The following BCAS4 variants were observed in gnomAD, a reference collection of about 807,000 sequenced individuals.
The protein encoded by BCAS4 is breast carcinoma-amplified sequence 4.
In BCAS4, 9 loss-of-function variants were observed where a neutral mutation model predicts 15.7. The observed-to-expected ratio is 0.57, with a 90% CI of 0.34 to 1.00. BCAS4 has a LOEUF of 1.00. Ranked by LOEUF, BCAS4 falls within the 50% of genes least tolerant of loss-of-function variation. The probability of loss-of-function intolerance (pLI) is 0.02; values close to 1 mark genes in which losing one functional copy is unlikely to be tolerated. For missense variants in BCAS4, 225 were observed against 239.1 expected (o/e 0.94, Z 0.39); for synonymous variants, 101 against 99.5 (o/e 1.02, Z -0.09).
chr20:50,811,781 C>T (rs907621573), intron 1 of BCAS4, among the ~76,000 whole-genome samples: 25 of 152,160 alleles, frequency 1.6e-4, no homozygotes, highest in African/African-American at 6.0e-4. Flanking sequence ...TGCCACCAGG[C>T]CTGGCTAACT....
At chr20:50,837,676 G>A (rs928673563) in intron 3 of BCAS4, among the ~76,000 whole-genome samples, 4 of 152,166 alleles carry the variant, frequency 2.6e-5, no homozygotes, top group African/African-American at 4.8e-5. Flanking sequence ...CCCCGGAGTC[G>A]GAGCTGCCCT....
chr20:50,820,899 G>T (rs528982697), intron 2 of BCAS4, among the ~76,000 whole-genome samples: 4 of 151,826 alleles, frequency 2.6e-5, no homozygotes, highest in Admixed American at 6.6e-5. Flanking sequence ...TGATGTTTCT[G>T]GGGGGGAAAA....
chr20:50,837,622 G>C (rs2088425123), intron 3 of BCAS4, among the ~76,000 whole-genome samples: 1 of 152,236 alleles, frequency 6.6e-6, no homozygotes, highest in African/African-American at 2.4e-5. Flanking sequence ...CTCACCTGCA[G>C]CCACCACATC....
At chr20:50,820,301 G>GT (rs1371633740) in intron 2 of BCAS4, among the ~76,000 whole-genome samples, 4 of 152,214 alleles carry the variant, frequency 2.6e-5, no homozygotes, top group Non-Finnish European at 5.9e-5. Flanking sequence ...TGTTGTCAAG[G>GT]TAAGGTCAAG....
Position 50,858,067 on chromosome 20 carries a change from G to A in BCAS4, c.399+16167G>A, listed in dbSNP as rs181296394. Among the ~76,000 whole-genome samples the A allele has an allele frequency of 1.8e-4, 27 of 152,154 alleles. No individual in the cohort carries two copies. In the East Asian group the frequency reaches 4.1e-3, roughly 23 times the overall value. On this transcript the variant is annotated intron_variant, in intron 4 of 4. Transcript: ENST00000371608. ...CCAAGAACTAGCAACTCCAGCCCCT[G>A]GGCCAGGCTTAACTCTGCTGCCAAA... is the stretch of plus-strand genomic sequence containing the variant.
chr20:50,836,388 C>T (rs2088410676), intron 3 of BCAS4, among the ~76,000 whole-genome samples: 1 of 152,166 alleles, frequency 6.6e-6, no homozygotes, highest in African/African-American at 2.4e-5. Flanking sequence ...CAAGGAAGAC[C>T]CCCATCTCCA....
intron 4 of BCAS4, among the ~76,000 whole-genome samples, chr20:50,844,135 G>A (rs2088515325): frequency 6.6e-6 from 1 of 151,746 alleles, no homozygotes; most frequent in South Asian, 2.1e-4. Context: ...GTAACAGAGT[G>A]AGGCCCTGTC....
At chr20:50,804,598 C>T (rs2087968069) in intron 1 of BCAS4, among the ~76,000 whole-genome samples, 1 of 152,200 alleles carries the variant, frequency 6.6e-6, no homozygotes, top group South Asian at 2.1e-4. Flanking sequence ...ATTACTGTGT[C>T]TGAGGACACA....
chr20:50,824,878 C>A (rs1165534277), intron 2 of BCAS4, among the ~76,000 whole-genome samples: 1 of 152,164 alleles, frequency 6.6e-6, no homozygotes, highest in Admixed American at 6.5e-5. Context: ...AATATCCTGA[C>A]TTTGATATCT....
chr20:50,828,693 C>T (rs1406911096), intron 2 of BCAS4, among the ~76,000 whole-genome samples: 4 of 152,086 alleles, frequency 2.6e-5, no homozygotes, highest in African/African-American at 4.8e-5. Flanking sequence ...GCAGGAGAAT[C>T]GCCTGGACCT....
intron 4 of BCAS4, among the ~76,000 whole-genome samples, chr20:50,865,039 G>A (rs1166980870): frequency 1.3e-5 from 2 of 152,088 alleles, no homozygotes; most frequent in Non-Finnish European, 2.9e-5. Flanking sequence ...GTTGCAGTGA[G>A]CCGAGATCGC....
chr20:50,848,063 AAAAC>A (rs757920304), intron 4 of BCAS4, among the ~76,000 whole-genome samples: 3 of 151,994 alleles, frequency 2.0e-5, no homozygotes, highest in Non-Finnish European at 4.4e-5. Context: ...ACAACAAAAA[AAAAC>A]AGAAAATTCA....
At chr20:50,843,416 G>T (rs983382344) in intron 4 of BCAS4, among the ~76,000 whole-genome samples, 1 of 152,162 alleles carries the variant, frequency 6.6e-6, no homozygotes, top group Non-Finnish European at 1.5e-5. Context: ...TCTGCCCGTG[G>T]GCAGAATTTG....
chr20:50,840,538 G>C lies in BCAS4; in HGVS notation c.265-1228G>C, dbSNP rs540895096. The C allele has an allele frequency of 1.0e-4, 150 of 1,464,844 alleles. No homozygotes were observed. The African/African-American group carries it at 1.7e-3, about 16-fold the overall frequency. 90.7% of individuals were successfully genotyped at this position (1,464,844 alleles called of 1,614,324 possible). Reference sequence around the variant, plus strand: ...ATCCAACCTCTTTGCATCTTACAGAGTTAAACAGCTAAAAGAAGTAAAATA... The same window carrying C: ...ATCCAACCTCTTTGCATCTTACAGACTTAAACAGCTAAAAGAAGTAAAATA... On this transcript the variant is annotated intron_variant, in intron 3 of 4. Transcript: ENST00000371608.
At chr20:50,852,226 C>T (rs1349863123) in intron 4 of BCAS4, among the ~76,000 whole-genome samples, 1 of 152,152 alleles carries the variant, frequency 6.6e-6, no homozygotes, top group Non-Finnish European at 1.5e-5. Flanking sequence ...AACTGAAATT[C>T]AAACACTCAC....
intron 4 of BCAS4, among the ~76,000 whole-genome samples, chr20:50,850,094 G>T (rs1978333591): frequency 6.6e-6 from 1 of 152,254 alleles, no homozygotes; most frequent in Admixed American, 6.5e-5. Flanking sequence ...AGACCAGGGA[G>T]AAGTAGAGCG....
At chr20:50,841,982 G>A (rs1051091943) in intron 4 of BCAS4, 82 bp downstream of exon 4, 66 of 1,454,450 alleles carry the variant, frequency 4.5e-5, no homozygotes, top group Admixed American at 2.3e-4. Context: ...GAGCATGCAG[G>A]AAGCAGAGTT....
intron 1 of BCAS4, among the ~76,000 whole-genome samples, chr20:50,815,370 C>T (rs894955071): frequency 6.6e-6 from 1 of 152,136 alleles, no homozygotes; most frequent in Non-Finnish European, 1.5e-5. Context: ...CCCGTGTCTG[C>T]GTTGTGTGCA....
At chr20:50,866,100 C>T (rs995875179) in intron 4 of BCAS4, among the ~76,000 whole-genome samples, 1 of 152,158 alleles carries the variant, frequency 6.6e-6, no homozygotes, top group Non-Finnish European at 1.5e-5. Context: ...ACCCTGGGCA[C>T]GTGGCCTAGC....
Sources: gnomAD v4.1 joint callset for allele counts (sites outside exome capture counted in the v4.1 genomes callset) on GRCh38, gnomAD v4.1.1 for gene constraint, MANE v1.5 for transcripts, NCBI Gene and HGNC (gene_info 2026-07-23, HGNC 2026-07-21) for gene names.